The following DYM variants were observed in gnomAD, a reference collection of about 807,000 sequenced individuals.
DYM encodes the protein dyggve-Melchior-Clausen syndrome protein.
A neutral mutation model predicts 93.1 loss-of-function variants in DYM; 78 were observed. The observed-to-expected ratio is 0.84, with a 90% confidence interval of 0.70 to 1.01. The LOEUF (loss-of-function observed/expected upper bound fraction) is 1.01, where lower values mean the gene tolerates loss of function less well. DYM is among the 50% of genes least tolerant of loss of function. DYM has a pLI of 0.00. For synonymous variants in DYM, 321 were observed against 319.7 expected, an observed-to-expected ratio of 1.00 and a Z score of -0.04; for missense variants, 789 against 845.0, an observed-to-expected ratio of 0.93 and a Z score of 0.82.
intron 2 of DYM, among the ~76,000 whole-genome samples, chr18:49,406,977 A>G (rs1175636841): frequency 1.3e-5 from 2 of 152,238 alleles, no homozygotes; most frequent in Non-Finnish European, 2.9e-5. Flanking sequence ...TAAACAAACT[A>G]TGGCACATCT....
chr18:49,144,590 C>T (rs2084879489), intron 15 of DYM, among the ~76,000 whole-genome samples: 1 of 152,102 alleles, frequency 6.6e-6, no homozygotes, highest in Non-Finnish European at 1.5e-5. Flanking sequence ...TAGTAGAAAT[C>T]TGGTTGTTAC....
chr18:49,048,371 C>T (rs1268663197), intron 17 of DYM: 2 of 152,178 alleles, frequency 1.3e-5, no homozygotes, highest in Non-Finnish European at 2.9e-5. Flanking sequence ...CCCCCAGTGG[C>T]TTGTTTTCAT....
chr18:49,078,027 C>T (rs2077454915), intron 17 of DYM, among the ~76,000 whole-genome samples: 1 of 152,114 alleles, frequency 6.6e-6, no homozygotes, highest in African/African-American at 2.4e-5. Context: ...TTCCTCCTTT[C>T]CTGCTTTGGG....
Position 49,286,047 on chromosome 18 carries a change from C to CT in DYM, c.946+386dup, listed in dbSNP as rs796158142. Among the ~76,000 whole-genome samples the CT allele has an allele frequency of 4.4e-3, 657 of 149,298 alleles. 2 individuals are homozygous for CT. The highest frequency in any genetic ancestry group is 0.012 in the African/African-American group (484 of 40,770). Reference sequence around the variant, plus strand: ...AAGGTTTTCTGATTTGTGTTCTAATCTTTTTTTTTTGTTTTTGAGACCTAA... The same window carrying CT: ...AAGGTTTTCTGATTTGTGTTCTAATCTTTTTTTTTTTGTTTTTGAGACCTAA... On this transcript the variant is annotated intron_variant, in intron 9 of 17. Coordinates refer to ENST00000675505, the MANE Select transcript of DYM (RefSeq NM_001353214.3).
chr18:49,106,154 A>C (rs1454752913), intron 16 of DYM, among the ~76,000 whole-genome samples: 1 of 152,186 alleles, frequency 6.6e-6, no homozygotes, highest in Non-Finnish European at 1.5e-5. Context: ...ACCCTTTACC[A>C]TTATGTAATG....
At chr18:49,444,496 T>C (rs1051221826) in intron 1 of DYM, among the ~76,000 whole-genome samples, 2 of 152,180 alleles carry the variant, frequency 1.3e-5, no homozygotes, top group African/African-American at 4.8e-5. Flanking sequence ...ACAACTAACA[T>C]TGCCTAAGTC....
At chr18:49,216,278 C>T (rs1484897698) in intron 13 of DYM, among the ~76,000 whole-genome samples, 2 of 152,236 alleles carry the variant, frequency 1.3e-5, no homozygotes, top group Non-Finnish European at 2.9e-5. Context: ...CCCACCACAA[C>T]TCAAGGAGGC....
chr18:49,050,741 T>C (rs2072327960), intron 17 of DYM, among the ~76,000 whole-genome samples: 1 of 151,948 alleles, frequency 6.6e-6, no homozygotes, highest in Non-Finnish European at 1.5e-5. Context: ...AAAAGTGGCC[T>C]CTCTCGGCTC....
rs544504229 is a variant in DYM, at chr18:49,313,086, T to C, written c.763+18778A>G. On this transcript the variant is annotated intron_variant, in intron 8 of 17. Coordinates refer to ENST00000675505, the MANE Select transcript of DYM (RefSeq NM_001353214.3). ...TAAGTCCGAGACCTGCTGGACTGCA[T>C]TCCTAGGAGGTTAAGGCATTCTGAG... Among the ~76,000 whole-genome samples, 34 of 152,248 alleles carry C rather than the reference T, an allele frequency of 2.2e-4. 1 individual carries two copies. The highest frequency in any genetic ancestry group is 1.7e-3 in the South Asian group (8 of 4,828).
In DYM at chr18:49,064,811, A is replaced by G. The variant is rs138543969; in HGVS notation, c.2026-20607T>C. Among the ~76,000 whole-genome samples, 5 of 151,790 alleles carry G rather than the reference A, an allele frequency of 3.3e-5. No individual in the cohort carries two copies. The East Asian group carries it at 9.7e-4, about 29-fold the overall frequency. Reference sequence around the variant, plus strand: ...TTTAGGTTTAATTTTTACCATGTTCAAAATTGTAGTTTCTCTCTTTACTTT... The same window carrying G: ...TTTAGGTTTAATTTTTACCATGTTCGAAATTGTAGTTTCTCTCTTTACTTT... On this transcript the variant is annotated intron_variant, in intron 17 of 17. Transcript: ENST00000675505.
chr18:49,333,648 G>A lies in DYM; in HGVS notation c.620+80C>T, dbSNP rs1428723108. The stretch of plus-strand genomic sequence containing the variant: ...AAATACCTGGTTGGAGATATGGGAC[G>A]ATACTCAGGTAAAAGGACAAGACTA... On this transcript the variant is annotated intron_variant, in intron 7 of 17. Transcript: ENST00000675505. The A allele has an allele frequency of 2.1e-5, 30 of 1,439,798 alleles. No homozygotes were observed. The Admixed American group carries it at 3.2e-4, about 15-fold the overall frequency. 89.2% of individuals were successfully genotyped at this position (1,439,798 alleles called of 1,614,324 possible).
At chr18:49,102,746 C>T (rs2080307222) in intron 16 of DYM, among the ~76,000 whole-genome samples, 3 of 152,164 alleles carry the variant, frequency 2.0e-5, no homozygotes, top group Non-Finnish European at 2.9e-5. Context: ...GACATGAACT[C>T]ATCCTTTTTT....
chr18:49,374,793 C>G (rs1725760855), intron 5 of DYM, among the ~76,000 whole-genome samples: 1 of 152,138 alleles, frequency 6.6e-6, no homozygotes, highest in African/African-American at 2.4e-5. Context: ...ACCCCTGTCT[C>G]TACTAAAAAT....
chr18:49,292,312 A>ACAGGCAGGCAGG (rs60150235), intron 8 of DYM, among the ~76,000 whole-genome samples: 4 of 110,994 alleles, frequency 3.6e-5, no homozygotes, highest in Admixed American at 1.0e-4. Context: ...AGACAGACAG[A>ACAGGCAGGCAGG]CAGGCAGGCA....
chr18:49,315,875 T>G (rs1265364744), intron 8 of DYM, among the ~76,000 whole-genome samples: 1 of 152,144 alleles, frequency 6.6e-6, no homozygotes, highest in Admixed American at 6.5e-5. Context: ...AGAAAACCAG[T>G]CTATTGAAGA....
rs116994758 is a variant in DYM at position 49,343,469 on chromosome 18, T to C, written c.495-9616A>G. 5.7e-4 allele frequency among the ~76,000 whole-genome samples: 87 copies of C among 152,334 alleles called. 1 individual carries two copies. The East Asian group carries it at 0.016, about 28-fold the overall frequency. ...GTCCACTTCACAAGAAGCCCTCCCT[T>C]ATGATCTTGGCTAAAATACCATCAC... On this transcript the variant is annotated intron_variant, in intron 6 of 17. Transcript: ENST00000675505.
intron 17 of DYM, among the ~76,000 whole-genome samples, chr18:49,075,086 GC>G (rs1178820103): frequency 6.6e-6 from 1 of 152,154 alleles, no homozygotes; most frequent in Admixed American, 6.5e-5. Flanking sequence ...AGGAAACCTA[GC>G]TTTCACCTGT....
At chr18:49,071,973 C>T (rs150802266) in intron 17 of DYM, among the ~76,000 whole-genome samples, 40 of 152,332 alleles carry the variant, frequency 2.6e-4, no homozygotes, top group African/African-American at 8.9e-4. Context: ...TACCCCTGGG[C>T]CTGCTAATTC....
chr18:49,415,395 T>C lies in DYM; in HGVS notation c.140+14860A>G, dbSNP rs544417029. On this transcript the variant is annotated intron_variant, in intron 2 of 17. Coordinates refer to ENST00000675505, the MANE Select transcript of DYM (RefSeq NM_001353214.3). ...ATTAAAACGATATACACCATAATGT[T>C]AACAAGTTACTCTTGGTTGTTATTA... Among the ~76,000 whole-genome samples the C allele has an allele frequency of 5.3e-5, 8 of 150,478 alleles. No individual in the cohort carries two copies. In the South Asian group the frequency reaches 1.5e-3, roughly 28 times the overall value.
Sources: allele counts gnomAD v4.1 joint callset (sites outside exome capture counted in the v4.1 genomes callset), GRCh38; gene constraint gnomAD v4.1.1; transcripts MANE v1.5; gene names NCBI Gene and HGNC (gene_info 2026-07-23, HGNC 2026-07-21).